The following RIN2 variants were observed in gnomAD, a reference collection of about 807,000 sequenced individuals.
RIN2 encodes RAB5 interacting protein 2.
A neutral mutation model predicts 78.0 loss-of-function variants in RIN2; 36 were observed. The observed-to-expected ratio is 0.46, with a 90% confidence interval of 0.35 to 0.61. The LOEUF is 0.61. RIN2 is among the 20% of genes least tolerant of loss of function. The probability of loss-of-function intolerance (pLI) is 0.00; values close to 1 mark genes in which losing one functional copy is unlikely to be tolerated. For missense variants in RIN2, 1,087 were observed against 1,159.7 expected (o/e 0.94, Z 0.91); for synonymous variants, 466 against 466.8 (o/e 1.00, Z 0.02).
At chr20:19,773,022 A>G (rs921009662) in intron 1 of RIN2, among the ~76,000 whole-genome samples, 6 of 152,354 alleles carry the variant, frequency 3.9e-5, no homozygotes, top group Non-Finnish European at 8.8e-5. Context: ...ATTGTCTCAC[A>G]GTTCTGGAGT....
chr20:19,929,404 C>G (rs2146092310), intron 3 of RIN2, among the ~76,000 whole-genome samples: 1 of 152,286 alleles, frequency 6.6e-6, no homozygotes, highest in Non-Finnish European at 1.5e-5. Flanking sequence ...CTCTGTCACC[C>G]AGGCTGGAGT....
chr20:19,917,805 C>A (rs1027840006), intron 3 of RIN2, among the ~76,000 whole-genome samples: 1 of 152,178 alleles, frequency 6.6e-6, no homozygotes, highest in Non-Finnish European at 1.5e-5. Flanking sequence ...GAATAGCATT[C>A]CATCATATTG....
At chr20:19,771,408 C>T (rs1022070739) in intron 1 of RIN2, among the ~76,000 whole-genome samples, 4 of 152,186 alleles carry the variant, frequency 2.6e-5, no homozygotes, top group African/African-American at 9.7e-5. Flanking sequence ...CACATAACAC[C>T]TCCTTTGCGT....
At chr20:19,856,566 A>G (rs1600634108) in intron 2 of RIN2, among the ~76,000 whole-genome samples, 1 of 143,546 alleles carries the variant, frequency 7.0e-6, no homozygotes, top group Non-Finnish European at 1.5e-5. Flanking sequence ...AGAGAAAGGG[A>G]GGAAGGAAGG....
chr20:19,768,811 C>T lies in RIN2; in HGVS notation c.-163+10484C>T, dbSNP rs78052245. 2.7e-3 allele frequency among the ~76,000 whole-genome samples: 411 copies of T among 152,174 alleles called. 1 individual carries two copies. Among genetic ancestry groups the T allele is most frequent in the African/African-American group, 9.4e-3 (390 of 41,498 alleles). ...CTCCTCTATGTGCTTATTTCCCACA[C>T]TTCTGGTGCTGATTTTTATGCCTTT... On this transcript the variant is annotated intron_variant, in intron 1 of 12. Transcript: ENST00000255006.
At chr20:19,805,268 G>C (rs879351412) in intron 2 of RIN2, among the ~76,000 whole-genome samples, 1 of 152,222 alleles carries the variant, frequency 6.6e-6, no homozygotes. Flanking sequence ...CATACAGTCT[G>C]TGACATGAGC....
chr20:19,804,809 C>T lies in RIN2; in HGVS notation c.-37+5062C>T, dbSNP rs143533825. On this transcript the variant is annotated intron_variant, in intron 2 of 12. Coordinates refer to ENST00000255006, the MANE Select transcript of RIN2 (RefSeq NM_018993.4). Reference sequence around the variant, plus strand: ...ACTTTGTACCTCTGGTAGAACTCAGCGGTAAATCCATGTGGGTTTTTTTTG... The same window carrying T: ...ACTTTGTACCTCTGGTAGAACTCAGTGGTAAATCCATGTGGGTTTTTTTTG... Among the ~76,000 whole-genome samples, 998 of 152,196 alleles carry T rather than the reference C, an allele frequency of 6.6e-3. 10 individuals are homozygous for T. Among genetic ancestry groups the T allele is most frequent in the Non-Finnish European group, 6.9e-3 (466 of 68,012 alleles).
intron 3 of RIN2, 50 bp from the exon 4 acceptor site, chr20:19,935,049 T>C (rs2040581698): frequency 7.1e-7 from 1 of 1,418,170 alleles, no homozygotes; most frequent in East Asian, 2.5e-5. Flanking sequence ...GCTGTGGGCA[T>C]GCCACGCCTC....
intron 3 of RIN2, among the ~76,000 whole-genome samples, chr20:19,910,711 G>A (rs1219204795): frequency 6.6e-6 from 1 of 151,612 alleles, no homozygotes; most frequent in Non-Finnish European, 1.5e-5. Context: ...TGGGATTACA[G>A]GCGCCCACTA....
rs372947881 is a variant in RIN2 at position 19,975,582 on chromosome 20, C to T, written c.1557C>T (p.Ala519=). 201 of 1,613,990 alleles carry T rather than the reference C, an allele frequency of 1.2e-4. No homozygotes were observed. The African/African-American group carries it at 2.4e-3, about 20-fold the overall frequency. The change falls in exon 9 of 13, where the codon GCC becomes GCT. Residue 519 remains alanine (A), a synonymous_variant. Transcript: ENST00000255006. The surrounding 1 kb of genome is among the most constrained non-coding windows in gnomAD (Gnocchi z 4.9). ...AGAAGCGGATGGTCCGCAGGATCGC[C>T]GAGCTTTCCCGGGACAAATGCACCT... ...TPEKRMVRRI[A]ELSRDKCTYF... is the part of the protein sequence containing the mutation.
At chr20:19,782,420 C>A (rs963307336) in intron 1 of RIN2, among the ~76,000 whole-genome samples, 5 of 152,028 alleles carry the variant, frequency 3.3e-5, no homozygotes, top group Admixed American at 3.3e-4. Flanking sequence ...CAAAAATTAT[C>A]CAGGCGTGGT....
chr20:19,869,551 C>A (rs1167911873), intron 2 of RIN2, among the ~76,000 whole-genome samples: 1 of 152,174 alleles, frequency 6.6e-6, no homozygotes, highest in African/African-American at 2.4e-5. Flanking sequence ...GAAGCCTCCA[C>A]CCTCACCCTG....
intron 2 of RIN2, among the ~76,000 whole-genome samples, chr20:19,862,692 T>C (rs947102010): frequency 6.6e-6 from 1 of 152,236 alleles, no homozygotes; most frequent in Non-Finnish European, 1.5e-5. Context: ...AAAGTCTGTC[T>C]TACCAGGCAT....
intron 3 of RIN2, among the ~76,000 whole-genome samples, chr20:19,910,965 C>T (rs1161239183): frequency 6.6e-6 from 1 of 152,200 alleles, no homozygotes; most frequent in African/African-American, 2.4e-5. Flanking sequence ...GTTCCATATG[C>T]ACCAGTGGTT....
chr20:19,845,513 G>T (rs538576952), intron 2 of RIN2, among the ~76,000 whole-genome samples: 9 of 151,108 alleles, frequency 6.0e-5, no homozygotes, highest in African/African-American at 1.7e-4. Context: ...TCATATGTTT[G>T]TTGGCCACAT....
intron 2 of RIN2, among the ~76,000 whole-genome samples, chr20:19,873,550 A>T (rs1254941064): frequency 1.3e-5 from 2 of 152,218 alleles, no homozygotes; most frequent in Non-Finnish European, 2.9e-5. Flanking sequence ...TATGTTAATA[A>T]AGGAGTGGTT....
At chr20:19,888,281 C>T (rs1364736816) in intron 2 of RIN2, among the ~76,000 whole-genome samples, 2 of 152,198 alleles carry the variant, frequency 1.3e-5, no homozygotes, top group African/African-American at 4.8e-5. Context: ...ATCATCACAA[C>T]TCACTGTGAG....
intron 3 of RIN2, among the ~76,000 whole-genome samples, chr20:19,931,318 CTTT>C (rs35320902): frequency 2.6e-5 from 4 of 151,452 alleles, no homozygotes; most frequent in African/African-American, 9.7e-5. Flanking sequence ...TTTAAAAAAA[CTTT>C]TTATAGAGAC....
intron 9 of RIN2, among the ~76,000 whole-genome samples, chr20:19,987,118 T>C (rs549972055): frequency 6.6e-6 from 1 of 152,380 alleles, no homozygotes; most frequent in Admixed American, 6.5e-5. Flanking sequence ...GGAGCAGTAA[T>C]GTGAGCTTTT....
Sources: gnomAD v4.1 joint callset for allele counts (sites outside exome capture counted in the v4.1 genomes callset) on GRCh38, gnomAD v4.1.1 for gene constraint, Gnocchi (gnomAD v3.1) non-coding constraint, MANE v1.5 for transcripts, NCBI Gene and HGNC (gene_info 2026-07-23, HGNC 2026-07-21) for gene names.